ROPN1B: variants seen among roughly 807,000 people sequenced by gnomAD.
The protein encoded by ROPN1B is ropporin-1B.
ROPN1B carries 13 observed loss-of-function variants against 23.7 expected under a neutral mutation model. The observed-to-expected ratio is 0.55, with a 90% CI of 0.36 to 0.87. The LOEUF is 0.87. Ranked by LOEUF, ROPN1B falls within the 40% of genes least tolerant of loss-of-function variation. The pLI, the probability that ROPN1B is intolerant of heterozygous loss-of-function variation, is 0.01. For synonymous variants in ROPN1B, 67 were observed against 100.4 expected (o/e 0.67, Z 1.99); for missense variants, 183 against 249.2 (o/e 0.73, Z 1.79).
chr3:125,979,245 T>C (rs1185947325), intron 5 of ROPN1B, among the ~76,000 whole-genome samples: 2 of 151,432 alleles, frequency 1.3e-5, no homozygotes, highest in Non-Finnish European at 2.9e-5. Flanking sequence ...GGGTGCCCTA[T>C]GAATCCAGTA....
At chr3:125,983,196 G>C in intron 6 of ROPN1B, 58 bp from the exon 7 acceptor site, 1 of 1,175,688 alleles carries the variant, frequency 8.5e-7, no homozygotes, top group South Asian at 1.3e-5. Flanking sequence ...TTTGCATATT[G>C]TCTTTCTTAA....
In ROPN1B at chr3:125,972,616, G is replaced by C. The variant is rs939749038; in HGVS notation, c.116+446G>C. 2.0e-5 allele frequency: 7 copies of C among 358,398 alleles called. 1 individual carries two copies. Among genetic ancestry groups the C allele is most frequent in the Middle Eastern group, 8.3e-4 (1 of 1,208 alleles). 22.2% of individuals were successfully genotyped at this position (358,398 alleles called of 1,614,324 possible). A position where few individuals can be genotyped will look rare whatever the true frequency, so the allele number is the denominator to read the frequency against. On this transcript the variant is annotated intron_variant, in intron 3 of 6. Coordinates refer to ENST00000514116, the MANE Select transcript of ROPN1B (RefSeq NM_001308313.2). The stretch of plus-strand genomic sequence containing the variant: ...GGGGAGGGAAGCGACAGCCCTGGGT[G>C]GATGGGGTGGGACCAGTCCTGCTAG...
At chr3:125,974,581 A>G (rs528008407) in intron 3 of ROPN1B, among the ~76,000 whole-genome samples, 3 of 152,314 alleles carry the variant, frequency 2.0e-5, no homozygotes, top group South Asian at 4.1e-4. Flanking sequence ...CAGGCTTTTG[A>G]TGGAGACAGA....
At chr3:125,976,097 G>A (rs1938403361) in intron 4 of ROPN1B, among the ~76,000 whole-genome samples, 1 of 152,208 alleles carries the variant, frequency 6.6e-6, no homozygotes, top group Admixed American at 6.5e-5. Flanking sequence ...CTTTTAGGGA[G>A]AGGCTGTGAG....
At chr3:125,971,618 T>C (rs1031109705) in intron 2 of ROPN1B, among the ~76,000 whole-genome samples, 21 of 152,230 alleles carry the variant, frequency 1.4e-4, no homozygotes, top group Admixed American at 6.5e-5. Flanking sequence ...TTGCTACAAT[T>C]CTTACCTAGC....
At chr3:125,979,003 T>G (rs954204430) in intron 5 of ROPN1B, among the ~76,000 whole-genome samples, 1 of 152,156 alleles carries the variant, frequency 6.6e-6, no homozygotes, top group African/African-American at 2.4e-5. Flanking sequence ...ACTTCCCTTC[T>G]AAAACAAGGA....
chr3:125,973,083 G>C (rs1387833433), intron 3 of ROPN1B: 3 of 352,704 alleles, frequency 8.5e-6, no homozygotes, highest in African/African-American at 6.5e-5. Flanking sequence ...CCATTTTCAG[G>C]CTATTTTTAC....
chr3:125,975,158 T>TA (rs1442623109), intron 3 of ROPN1B, among the ~76,000 whole-genome samples: 1 of 152,188 alleles, frequency 6.6e-6, no homozygotes, highest in Non-Finnish European at 1.5e-5. Context: ...TCCCCTTTCT[T>TA]ACGTACATTA....
chr3:125,977,986 T>G (rs1938483774), intron 5 of ROPN1B: 1 of 152,234 alleles, frequency 6.6e-6, no homozygotes, highest in Non-Finnish European at 1.5e-5. Flanking sequence ...ATAATCTTGT[T>G]CTTCTCAAAT....
Position 125,977,175 on chromosome 3 carries a change from CT to C in ROPN1B, c.396+12del, listed in dbSNP as rs773652243. 6.0e-6 allele frequency: 6 copies of C among 998,232 alleles called. No individual in the cohort carries two copies. The highest frequency in any genetic ancestry group is 9.3e-6 in the Non-Finnish European group (6 of 644,804). 61.8% of individuals were successfully genotyped at this position (998,232 alleles called of 1,614,324 possible). On this transcript the variant is annotated intron_variant, in intron 5 of 6. Coordinates refer to ENST00000514116, the MANE Select transcript of ROPN1B (RefSeq NM_001308313.2). The stretch of plus-strand genomic sequence containing the variant: ...CAGCGCTCTGGGAGTTGTAAGTTAG[CT>C]TGACTGTTTTTTGTTCCTGAAGGGG...
At chr3:125,973,146 G>A (rs1395941343) in intron 3 of ROPN1B, 11 of 342,416 alleles carry the variant, frequency 3.2e-5, no homozygotes, top group South Asian at 1.3e-4. Context: ...GAGAGTGAGA[G>A]AGGCCGTTGA....
chr3:125,980,909 G>T (rs1396048452), intron 5 of ROPN1B, among the ~76,000 whole-genome samples: 1 of 152,074 alleles, frequency 6.6e-6, no homozygotes, highest in African/African-American at 2.4e-5. Flanking sequence ...CCCCATGCCT[G>T]CCCTCCCACC....
At chr3:125,982,541 G>A in intron 6 of ROPN1B, 96 bp downstream of exon 6, 1 of 1,031,860 alleles carries the variant, frequency 9.7e-7, no homozygotes, top group Non-Finnish European at 1.4e-6. Flanking sequence ...TACTGCTCTG[G>A]GAACAGAAAA....
intron 5 of ROPN1B, chr3:125,977,891 G>A (rs1341361886): frequency 6.6e-6 from 1 of 152,308 alleles, no homozygotes; most frequent in Non-Finnish European, 1.5e-5. Context: ...ATACATAAAA[G>A]TTTGAAAATT....
intron 3 of ROPN1B, among the ~76,000 whole-genome samples, chr3:125,974,427 C>T (rs1416695771): frequency 6.6e-6 from 1 of 152,188 alleles, no homozygotes; most frequent in Non-Finnish European, 1.5e-5. Context: ...CAATCGTTAG[C>T]CCATCATTGT....
chr3:125,981,790 T>C (rs1938619414), intron 5 of ROPN1B, among the ~76,000 whole-genome samples: 1 of 152,192 alleles, frequency 6.6e-6, no homozygotes, highest in African/African-American at 2.4e-5. Context: ...AAGACCTTTT[T>C]TCCAGTATCT....
chr3:125,983,288 T>A lies in ROPN1B; in HGVS notation c.607T>A (p.Phe203Ile), dbSNP rs747285682. The A allele has an allele frequency of 6.2e-7, 1 of 1,613,760 alleles. No homozygotes were observed. The highest frequency in any genetic ancestry group is 8.5e-7 in the Non-Finnish European group (1 of 1,179,726). Residue 203 changes from phenylalanine (F) to isoleucine (I), a missense_variant, in exon 7 of 7, where the codon TTT (phenylalanine) becomes ATT (isoleucine). This residue lies in a region of ROPN1B where 80 missense variants were observed against 98.0 expected (regional missense o/e 0.82). Coordinates refer to ENST00000514116, the MANE Select transcript of ROPN1B (RefSeq NM_001308313.2). ...TGATGGTTTAATCACGGTGAATGAC[T>A]TTACCCAAAACCCCAGGGTTTGGCT... ...GPDGLITVNDFTQNPRVWLE is the reference protein window; with the variant it reads ...GPDGLITVNDITQNPRVWLE
intron 3 of ROPN1B, chr3:125,972,685 C>T (rs1354235149): frequency 5.6e-6 from 2 of 358,304 alleles, no homozygotes; most frequent in Non-Finnish European, 1.1e-5. Flanking sequence ...TGTTAAAACT[C>T]ATACTTGGAC....
intron 3 of ROPN1B, among the ~76,000 whole-genome samples, chr3:125,974,316 A>G (rs919128528): frequency 1.5e-4 from 22 of 147,896 alleles, no homozygotes; most frequent in Non-Finnish European, 2.5e-4. Context: ...GCACATTGTT[A>G]AAGGTGCCCT....
Sources: gnomAD v4.1 joint callset for allele counts (sites outside exome capture counted in the v4.1 genomes callset) on GRCh38, gnomAD v4.1.1 for gene constraint, gnomAD v4.1.1 regional missense constraint, MANE v1.5 for transcripts, NCBI Gene and HGNC (gene_info 2026-07-23, HGNC 2026-07-21) for gene names.